The following WRAP73 variants were observed in gnomAD, a reference collection of about 807,000 sequenced individuals.
WRAP73 encodes WD repeat-containing protein WRAP73.
In WRAP73, 55 loss-of-function variants were observed where a neutral mutation model predicts 59.6. The ratio of observed to expected loss-of-function variants is 0.92; its 90% CI spans 0.74 to 1.15. The LOEUF (loss-of-function observed/expected upper bound fraction) is 1.15, where lower values mean the gene tolerates loss of function less well. Among genes scored for constraint, WRAP73 ranks in the 50% most tolerant of loss-of-function variants. The probability of loss-of-function intolerance (pLI) is 0.00; values close to 1 mark genes in which losing one functional copy is unlikely to be tolerated. For synonymous variants in WRAP73, 265 were observed against 258.2 expected, an observed-to-expected ratio of 1.03 and a Z score of -0.25; for missense variants, 592 against 608.1, an observed-to-expected ratio of 0.97 and a Z score of 0.28.
Position 3,645,228 on chromosome 1 carries a change from G to A in WRAP73, c.339+1438C>T, listed in dbSNP as rs541096330. Among the ~76,000 whole-genome samples the A allele has an allele frequency of 2.2e-4, 33 of 152,328 alleles. No individual in the cohort carries two copies. The East Asian group carries it at 5.0e-3, about 23-fold the overall frequency. ...AGCCGATGCCAGCTTGAAAAAAGCC[G>A]AATGAAACCCTACAGAGCATCTGCA... On this transcript the variant is annotated intron_variant, in intron 3 of 11. Coordinates refer to ENST00000270708, the MANE Select transcript of WRAP73 (RefSeq NM_017818.4).
Position 3,630,892 on chromosome 1 carries a change from G to C in WRAP73, c.*83C>G. 6.5e-7 allele frequency: 1 copy of C among 1,528,524 alleles called. No homozygotes were observed. Among genetic ancestry groups the C allele is most frequent in the East Asian group, 2.3e-5 (1 of 44,062 alleles). The allele number at this position is 1,528,524 out of a possible 1,614,324, so 94.7% of individuals were successfully genotyped here. ...TCACTGAATCCAGACCACCACAGTGGAGAACCTCCTGGTGAAGCTGTGTTT... is the reference window on the plus strand; with the variant it reads ...TCACTGAATCCAGACCACCACAGTGCAGAACCTCCTGGTGAAGCTGTGTTT... On this transcript the variant is annotated 3_prime_UTR_variant, in exon 12 of 12. Transcript: ENST00000270708.
intron 11 of WRAP73, 23 bp downstream of exon 11, chr1:3,631,443 C>G: frequency 6.4e-7 from 1 of 1,567,264 alleles, no homozygotes; most frequent in Non-Finnish European, 8.7e-7. Context: ...CTGCCACGTC[C>G]GTGGCCTCGG....
chr1:3,638,646 G>T, intron 4 of WRAP73, 104 bp downstream of exon 4: 1 of 1,287,174 alleles, frequency 7.8e-7, no homozygotes, highest in Non-Finnish European at 1.1e-6. Flanking sequence ...TTGGCTATGT[G>T]TTGATATGCT....
intron 11 of WRAP73, 169 bp downstream of exon 11, chr1:3,631,297 G>T: frequency 7.7e-7 from 1 of 1,301,160 alleles, no homozygotes; most frequent in Non-Finnish European, 1.1e-6. Flanking sequence ...ATAAAGCTGA[G>T]GGCAGCGGGT....
intron 10 of WRAP73, 157 bp from the exon 11 acceptor site, chr1:3,631,814 T>G: frequency 1.4e-6 from 2 of 1,426,696 alleles, no homozygotes; most frequent in Non-Finnish European, 1.8e-6. Context: ...TTGGGCCCTG[T>G]AGGGCTCCTG....
Position 3,649,956 on chromosome 1 carries a change from T to A in WRAP73, c.44A>T (p.Lys15Met). Residue 15 changes from lysine (K) to methionine (M), a missense_variant, in exon 1 of 12, where the codon AAG becomes ATG. By Grantham distance (95) the Lys-to-Met change is moderately conservative (BLOSUM62 -1). Transcript: ENST00000270708. ...EVFKLSSLLC[K>M]FSPDGKYLAS... is the part of the protein sequence containing the mutation. ...CAGGTACTTGCCGTCCGGGGAGAAC[T>A]TGCAGAGTAAGCTGGAGAGCTTGAA... The A allele has an allele frequency of 6.2e-7, 1 of 1,604,176 alleles. No homozygotes were observed. The highest frequency in any genetic ancestry group is 1.1e-5 in the South Asian group (1 of 89,532).
At chr1:3,632,385 G>C (rs749883913) in intron 9 of WRAP73, 47 bp from the exon 10 acceptor site, 21 of 1,613,324 alleles carry the variant, frequency 1.3e-5, no homozygotes, top group Non-Finnish European at 1.8e-5. Flanking sequence ...CTTTCGGGAA[G>C]TACGCACGCG....
At chr1:3,637,404 T>C (rs1297811749) in intron 4 of WRAP73, among the ~76,000 whole-genome samples, 3 of 151,242 alleles carry the variant, frequency 2.0e-5, no homozygotes, top group East Asian at 2.0e-4. Flanking sequence ...ATCACAAATA[T>C]GAGTGAGAAA....
chr1:3,641,073 C>G (rs1644639791), intron 3 of WRAP73, among the ~76,000 whole-genome samples: 2 of 152,238 alleles, frequency 1.3e-5, no homozygotes. Context: ...TAAATATACA[C>G]CTTCATCAGC....
chr1:3,632,919 A>G (rs1344448963), intron 9 of WRAP73: 1 of 213,166 alleles, frequency 4.7e-6, no homozygotes, highest in Non-Finnish European at 9.5e-6. Flanking sequence ...CAACCTTCAG[A>G]TGCCCTCATG....
rs80299247 is a variant in WRAP73, at chr1:3,646,962, A to G, written c.223-180T>C. ...CCTTAAAACCAGCAGAGACCCGATC[A>G]CACAGGGTGTCTTTTAGAACCTTTC... is the stretch of plus-strand genomic sequence containing the variant. On this transcript the variant is annotated intron_variant, in intron 2 of 11. Coordinates refer to ENST00000270708, the MANE Select transcript of WRAP73 (RefSeq NM_017818.4). The surrounding 1 kb of genome is among the most constrained non-coding windows in gnomAD (Gnocchi z 5.1). Among the ~76,000 whole-genome samples the G allele has an allele frequency of 3.7e-3, 568 of 152,286 alleles. 4 individuals carry two copies. The highest frequency in any genetic ancestry group is 0.013 in the African/African-American group (541 of 41,552).
chr1:3,631,977 G>A, intron 10 of WRAP73: 2 of 1,416,592 alleles, frequency 1.4e-6, no homozygotes, highest in Non-Finnish European at 1.8e-6. Flanking sequence ...ACTCAGCAGA[G>A]TGGAGCAAGT....
At chr1:3,635,772 G>A in intron 6 of WRAP73, 172 bp downstream of exon 6, 1 of 611,918 alleles carries the variant, frequency 1.6e-6, no homozygotes, top group Non-Finnish European at 2.8e-6. Context: ...AGTGGGCCGT[G>A]ATCACACCAC....
intron 3 of WRAP73, among the ~76,000 whole-genome samples, chr1:3,640,291 C>T (rs77421722): frequency 0.18 from 27,116 of 152,252 alleles, 2,911 homozygotes; most frequent in East Asian, 0.34. Context: ...GGGGCCTGAG[C>T]GAGGAAGCGT....
At chr1:3,636,781 TA>T in intron 5 of WRAP73, 1 of 634,744 alleles carries the variant, frequency 1.6e-6, no homozygotes, top group Non-Finnish European at 2.9e-6. Context: ...TATTCACTTT[TA>T]AAACACCTGG....
chr1:3,638,697 A>G (rs901008537), intron 4 of WRAP73, 53 bp downstream of exon 4: 1 of 1,607,734 alleles, frequency 6.2e-7, no homozygotes, highest in South Asian at 1.1e-5. Context: ...CCCGTGACAA[A>G]AAAGTCAAAC....
In WRAP73 at chr1:3,635,005, G is replaced by A; in HGVS notation, c.808C>T (p.Pro270Ser). The part of the protein sequence containing the change: ...EFGHPAAIND[P>S]KIVVYKEAEK... ...ACGTGTTCCAGACTTACTATCTTGG[G>A]ATCATTAATGGCTGCAGGATGCCCA... is the stretch of plus-strand genomic sequence containing the variant. The change falls in exon 8 of 12, where the codon CCC becomes TCC. Residue 270 changes from proline (P) to serine (S), a missense_variant. Transcript: ENST00000270708. 1 of 1,614,198 alleles carries A rather than the reference G, an allele frequency of 6.2e-7. No individual in the cohort carries two copies. Among genetic ancestry groups the A allele is most frequent in the Non-Finnish European group, 8.5e-7 (1 of 1,180,040 alleles).
chr1:3,647,206 A>G (rs920628890), intron 2 of WRAP73: 5 of 593,462 alleles, frequency 8.4e-6, no homozygotes, highest in Non-Finnish European at 1.4e-5. Flanking sequence ...TTTCTCAACT[A>G]TATTGCTTAG....
chr1:3,647,236 G>A (rs1644700509), intron 2 of WRAP73, 172 bp downstream of exon 2: 1 of 710,264 alleles, frequency 1.4e-6, no homozygotes, highest in African/African-American at 1.8e-5. Context: ...CTACGTTGGA[G>A]TTTCCTTAGT....
Sources: gnomAD v4.1 joint callset for allele counts (sites outside exome capture counted in the v4.1 genomes callset) on GRCh38, gnomAD v4.1.1 for gene constraint, Gnocchi (gnomAD v3.1) non-coding constraint, MANE v1.5 for transcripts, NCBI Gene and HGNC (gene_info 2026-07-23, HGNC 2026-07-21) for gene names.